SLC29A1: variants seen among roughly 807,000 people sequenced by gnomAD.
SLC29A1 encodes equilibrative nucleoside transporter 1.
SLC29A1 carries 22 observed loss-of-function variants against 48.3 expected under a neutral mutation model. The ratio of observed to expected loss-of-function variants is 0.46; its 90% CI spans 0.33 to 0.65. The LOEUF (loss-of-function observed/expected upper bound fraction) is 0.65, where lower values mean the gene tolerates loss of function less well. SLC29A1 is among the 30% of genes least tolerant of loss of function. SLC29A1 has a pLI of 0.03. For missense variants in SLC29A1, 491 were observed against 575.3 expected, an observed-to-expected ratio of 0.85 and a Z score of 1.50; for synonymous variants, 228 against 231.0, an observed-to-expected ratio of 0.99 and a Z score of 0.12.
Position 44,230,668 on chromosome 6 carries a change from G to C in SLC29A1, c.687+3G>C. 8.7e-7 allele frequency: 1 copy of C among 1,153,628 alleles called. No individual in the cohort carries two copies. The highest frequency in any genetic ancestry group is 1.2e-6 in the Non-Finnish European group (1 of 824,860). 71.5% of individuals were successfully genotyped at this position (1,153,628 alleles called of 1,614,324 possible). ...GTTACCTGGGCCTGCCCCGCCTGGT[G>C]AGTAAATGGAGGGAGCTGGGGTTTG... On this transcript the variant is annotated splice_donor_region_variant and intron_variant, in intron 7 of 12. Coordinates refer to ENST00000371755, the MANE Select transcript of SLC29A1 (RefSeq NM_001372327.1).
At position 44,223,785 on chromosome 6, in the gene SLC29A1, C is replaced by G; in HGVS notation, c.-52+144C>G. 2 of 1,029,116 alleles carry G rather than the reference C, an allele frequency of 1.9e-6. No homozygotes were observed. Among genetic ancestry groups the G allele is most frequent in the South Asian group, 5.9e-5 (2 of 34,182 alleles). The allele number at this position is 1,029,116 out of a possible 1,614,324, so 63.7% of individuals were successfully genotyped here. On this transcript the variant is annotated intron_variant, in intron 1 of 12. Transcript: ENST00000371755. The surrounding 1 kb of genome is among the most constrained non-coding windows in gnomAD (Gnocchi z 5.0). ...CGCCGGGTGGGGCCCCAGTGCGGAG[C>G]GTGCGGAGCCGCGCAGCACGTGGCG...
At chr6:44,223,427 G>C (rs1428755149), upstream of SLC29A1, 2 of 562,618 alleles carry the variant, frequency 3.6e-6, no homozygotes, top group African/African-American at 4.1e-5. This position sits in a 1 kb window ranked among gnomAD's most constrained non-coding sequence, Gnocchi z 5.0. Flanking sequence ...GGCCCTGGGG[G>C]CGCAGGGGCT....
Position 44,233,790 on chromosome 6 carries a change from G to A in SLC29A1, c.*262G>A. 1 of 514,352 alleles carries A rather than the reference G, an allele frequency of 1.9e-6. No homozygotes were observed. The highest frequency in any genetic ancestry group is 2.3e-5 in the South Asian group (1 of 43,508). The allele number at this position is 514,352 out of a possible 1,614,324, so 31.9% of individuals were successfully genotyped here. ...CTTGAGTTTCTCCACTCTTGGCTCTGACTGATCCCTGCTTGTGCAGGCCAG... is the reference window on the plus strand; with the variant it reads ...CTTGAGTTTCTCCACTCTTGGCTCTAACTGATCCCTGCTTGTGCAGGCCAG... On this transcript the variant is annotated 3_prime_UTR_variant, in exon 13 of 13. Transcript: ENST00000371755.
In SLC29A1 at chr6:44,227,256, C is replaced by T; in HGVS notation, c.-51-7C>T. Reference sequence around the variant, plus strand: ...ACAGGGCCTCACACTGTTCCTGCCCCCAGCAGGCCCCTGAGGGAGGGAGCT... The same window carrying T: ...ACAGGGCCTCACACTGTTCCTGCCCTCAGCAGGCCCCTGAGGGAGGGAGCT... On this transcript the variant is annotated splice_region_variant and splice_polypyrimidine_tract_variant and intron_variant, in intron 1 of 12. Transcript: ENST00000371755. The T allele has an allele frequency of 3.1e-6, 5 of 1,612,264 alleles. No individual in the cohort carries two copies. Among genetic ancestry groups the T allele is most frequent in the Non-Finnish European group, 4.2e-6 (5 of 1,178,858 alleles).
rs762995151 is a variant in SLC29A1, at chr6:44,230,852, C to T, written c.729C>T (p.Pro243=). The T allele has an allele frequency of 2.5e-5, 41 of 1,613,946 alleles. No homozygotes were observed. The Middle Eastern group carries it at 4.9e-4, about 19-fold the overall frequency. The stretch of plus-strand genomic sequence containing the variant: ...ACCAGCAGCTCAAGCTTGAAGGACC[C>T]GGGGAGCAGGAGACCAAGTTGGACC... The part of the protein sequence containing the change: ...RYYQQLKLEG[P]GEQETKLDLI... The change falls in exon 8 of 13, where the codon CCC becomes CCT. Residue 243 remains proline (P), a synonymous_variant. Coordinates refer to ENST00000371755, the MANE Select transcript of SLC29A1 (RefSeq NM_001372327.1).
upstream of SLC29A1, among the ~76,000 whole-genome samples, chr6:44,219,963 G>A (rs1776145881): frequency 6.6e-6 from 1 of 152,178 alleles, no homozygotes; most frequent in Admixed American, 6.5e-5. Flanking sequence ...GGCCTTCGAA[G>A]GCCATTATTA....
chr6:44,228,593 G>T (rs1410705247), intron 2 of SLC29A1, among the ~76,000 whole-genome samples: 9 of 151,848 alleles, frequency 5.9e-5, no homozygotes, highest in Non-Finnish European at 8.8e-5. Context: ...TCTGGGGAGG[G>T]TGTGCAAACC....
chr6:44,224,038 GGAGGT>G (rs2128339136), intron 1 of SLC29A1: 1 of 32,758 alleles, frequency 3.1e-5, no homozygotes, highest in South Asian at 1.0e-3. Flanking sequence ...GCTCGCGAGC[GGAGGT>G]GCAGGCTCGC....
intron 1 of SLC29A1, among the ~76,000 whole-genome samples, chr6:44,225,248 G>A (rs980448649): frequency 1.7e-4 from 26 of 152,288 alleles, no homozygotes; most frequent in African/African-American, 5.5e-4. Flanking sequence ...GCTCATGCCT[G>A]TAATCCCAGC....
Position 44,229,510 on chromosome 6 carries a change from A to C in SLC29A1, c.111+39A>C. ...GACTGGGCTCCATGGGGCAGTGCCC[A>C]CTGTGCTTGCAGGATCTGACTCTGT... On this transcript the variant is annotated intron_variant, in intron 3 of 12. Transcript: ENST00000371755. This position sits in a 1 kb window ranked among gnomAD's most constrained non-coding sequence, Gnocchi z 5.1. 1 of 1,608,844 alleles carries C rather than the reference A, an allele frequency of 6.2e-7. No individual in the cohort carries two copies. Among genetic ancestry groups the C allele is most frequent in the Non-Finnish European group, 8.5e-7 (1 of 1,175,278 alleles).
Position 44,230,406 on chromosome 6 carries a change from T to C in SLC29A1, c.514T>C (p.Tyr172His), listed in dbSNP as rs762618727. Residue 172 changes from tyrosine to histidine, a missense_variant, in exon 6 of 13, where the codon TAC (tyrosine) becomes CAC (histidine). Coordinates refer to ENST00000371755, the MANE Select transcript of SLC29A1 (RefSeq NM_001372327.1). ...FGLAGLLPASYTAPIMSGQGL... is the reference protein window; with the variant it reads ...FGLAGLLPASHTAPIMSGQGL... Reference sequence around the variant, plus strand: ...TCTGGCTGGCCTTCTGCCTGCCAGCTACACGGCCCCCATCATGAGTGGCCA... The same window carrying C: ...TCTGGCTGGCCTTCTGCCTGCCAGCCACACGGCCCCCATCATGAGTGGCCA... 3.7e-6 allele frequency: 6 copies of C among 1,614,128 alleles called. No individual in the cohort carries two copies. Among genetic ancestry groups the C allele is most frequent in the Non-Finnish European group, 4.2e-6 (5 of 1,179,984 alleles).
Position 44,223,664 on chromosome 6 carries a change from G to A in SLC29A1, c.-52+23G>A, listed in dbSNP as rs1422374377. On this transcript the variant is annotated intron_variant, in intron 1 of 12. Coordinates refer to ENST00000371755, the MANE Select transcript of SLC29A1 (RefSeq NM_001372327.1). The surrounding 1 kb of genome is among the most constrained non-coding windows in gnomAD (Gnocchi z 5.0). ...CAGGTGCTGCCCGGGGCCGGGGACT[G>A]GGGACTGGGGACTGCCGGGGCGGAA... is the stretch of plus-strand genomic sequence containing the variant. The A allele has an allele frequency of 8.5e-6, 10 of 1,176,148 alleles. No homozygotes were observed. Among genetic ancestry groups the A allele is most frequent in the Non-Finnish European group, 1.1e-5 (10 of 929,760 alleles). The allele number at this position is 1,176,148 out of a possible 1,614,324, so 72.9% of individuals were successfully genotyped here.
At position 44,229,829 on chromosome 6, in the gene SLC29A1, C is replaced by T. The variant is rs200443818; in HGVS notation, c.314+38C>T. 1.5e-5 allele frequency: 24 copies of T among 1,610,248 alleles called. No individual in the cohort carries two copies. The African/African-American group carries it at 2.4e-4, about 16-fold the overall frequency. On this transcript the variant is annotated intron_variant, in intron 4 of 12. Coordinates refer to ENST00000371755, the MANE Select transcript of SLC29A1 (RefSeq NM_001372327.1). The surrounding 1 kb of genome is among the most constrained non-coding windows in gnomAD (Gnocchi z 5.1). ...CCCCTCCCCAGCCCCCAGCCTGACC[C>T]TCACTGTGTCCTGCACCCCCTTGGC...
At chr6:44,231,607 G>A (rs1172861947) in intron 9 of SLC29A1, 146 bp downstream of exon 9, 17 of 637,554 alleles carry the variant, frequency 2.7e-5, no homozygotes, top group Non-Finnish European at 3.6e-5. Context: ...GTGCCCATGC[G>A]TGCGTGCCGG....
At chr6:44,222,810 TC>T (rs1776609709), upstream of SLC29A1, among the ~76,000 whole-genome samples, 1 of 152,240 alleles carries the variant, frequency 6.6e-6, no homozygotes, top group Non-Finnish European at 1.5e-5. Flanking sequence ...ATAAGGCTGT[TC>T]CTAGCTTTTT....
At chr6:44,224,980 C>G (rs1168770807) in intron 1 of SLC29A1, among the ~76,000 whole-genome samples, 3 of 152,156 alleles carry the variant, frequency 2.0e-5, no homozygotes, top group Non-Finnish European at 2.9e-5. Context: ...CTCCTGAGAA[C>G]AGAGAGAGCA....
rs1015971141 is a variant in SLC29A1, at chr6:44,224,019, GGGATGGAGGCTCGCGAGCGGAGGTGC to G, written c.-52+379_-52+404del. On this transcript the variant is annotated intron_variant, in intron 1 of 12. Transcript: ENST00000371755. The stretch of plus-strand genomic sequence containing the variant: ...GCGGAGGGGTATGGGGATGGGGATG[GGGATGGAGGCTCGCGAGCGGAGGTGC>G]AGGCTCGCGAGCGGAGGTGCGGGGC... 1.7e-5 allele frequency: 14 copies of G among 846,504 alleles called. No homozygotes were observed. The Admixed American group carries it at 4.4e-4, about 26-fold the overall frequency. The allele number at this position is 846,504 out of a possible 1,614,324, so 52.4% of individuals were successfully genotyped here.
rs191221387 is a variant in SLC29A1 at position 44,227,602 on chromosome 6, C to T, written c.29+260C>T. Among the ~76,000 whole-genome samples the T allele has an allele frequency of 2.4e-3, 369 of 152,330 alleles. 6 individuals are homozygous for T. The highest frequency in any genetic ancestry group is 0.022 in the Admixed American group (341 of 15,302). ...CCACTGTTGCTCTCCAGCCAGTTAG[C>T]GGCTTTCGGCTCCTCCCGCCACCAC... On this transcript the variant is annotated intron_variant, in intron 2 of 12. Transcript: ENST00000371755.
At chr6:44,233,035 G>A in intron 12 of SLC29A1, 29 bp downstream of exon 12, 1 of 1,602,158 alleles carries the variant, frequency 6.2e-7, no homozygotes, top group South Asian at 1.1e-5. Flanking sequence ...GAACTTGGTG[G>A]CATCAGACAG....
Sources: gnomAD v4.1 joint callset for allele counts (sites outside exome capture counted in the v4.1 genomes callset) on GRCh38, gnomAD v4.1.1 for gene constraint, Gnocchi (gnomAD v3.1) non-coding constraint, MANE v1.5 for transcripts, NCBI Gene and HGNC (gene_info 2026-07-23, HGNC 2026-07-21) for gene names.